Variants in TCF24 observed in about 807,000 individuals in gnomAD.
TCF24 encodes transcription factor 24.
TCF24 carries 5 observed loss-of-function variants against 9.3 expected under a neutral mutation model. The observed-to-expected ratio is 0.54, with a 90% CI of 0.28 to 1.13. The LOEUF is 1.13. TCF24 is among the 50% of genes most tolerant of loss of function. The probability of loss-of-function intolerance (pLI) is 0.09; values close to 1 mark genes in which losing one functional copy is unlikely to be tolerated. For missense variants in TCF24, 220 were observed against 236.1 expected (o/e 0.93, Z 0.45); for synonymous variants, 110 against 115.8 (o/e 0.95, Z 0.32).
intron 3 of TCF24, among the ~76,000 whole-genome samples, chr8:66,950,162 T>G (rs1402155718): frequency 6.7e-6 from 1 of 148,382 alleles, no homozygotes; most frequent in Non-Finnish European, 1.5e-5. Context: ...TTTGGTGTTT[T>G]AGACATGAAG....
chr8:66,952,550 G>C (rs1371104840), intron 3 of TCF24, among the ~76,000 whole-genome samples: 3 of 151,466 alleles, frequency 2.0e-5, no homozygotes, highest in Non-Finnish European at 4.4e-5. Context: ...GTGGTGTGGT[G>C]CTGAAAAAAA....
intron 3 of TCF24, among the ~76,000 whole-genome samples, chr8:66,951,360 T>C (rs1382262584): frequency 2.1e-5 from 3 of 145,440 alleles, no homozygotes; most frequent in Non-Finnish European, 3.0e-5. Context: ...CATGTGGTTT[T>C]TGTCTTTGGC....
intron 3 of TCF24, among the ~76,000 whole-genome samples, chr8:66,952,309 G>T (rs2130898383): frequency 7.4e-6 from 1 of 135,902 alleles, no homozygotes. Flanking sequence ...TGTTCTCGTT[G>T]GTTTCAAAGA....
chr8:66,955,548 A>C (rs943581358), intron 3 of TCF24, among the ~76,000 whole-genome samples: 1 of 152,214 alleles, frequency 6.6e-6, no homozygotes, highest in Non-Finnish European at 1.5e-5. Flanking sequence ...CCTGGTAGAT[A>C]ATCCACAGTG....
intron 3 of TCF24, among the ~76,000 whole-genome samples, chr8:66,953,571 G>C (rs1200406262): frequency 6.7e-6 from 1 of 150,272 alleles, no homozygotes; most frequent in African/African-American, 2.4e-5. Flanking sequence ...ACAATTATGT[G>C]TCTTGGAGTT....
intron 3 of TCF24, among the ~76,000 whole-genome samples, chr8:66,952,535 T>C (rs1814076127): frequency 6.6e-6 from 1 of 151,112 alleles, no homozygotes; most frequent in African/African-American, 2.4e-5. Flanking sequence ...AATTTTGGAA[T>C]AGGTGTGGTG....
chr8:66,955,406 A>G (rs1321932852), intron 3 of TCF24, among the ~76,000 whole-genome samples: 1 of 151,986 alleles, frequency 6.6e-6, no homozygotes, highest in African/African-American at 2.4e-5. Context: ...TACAACTCCT[A>G]AAGGTCAGCA....
intron 3 of TCF24, among the ~76,000 whole-genome samples, chr8:66,954,657 GCAAGCCT>G (rs1469124406): frequency 6.6e-6 from 1 of 152,132 alleles, no homozygotes; most frequent in Non-Finnish European, 1.5e-5. Flanking sequence ...GTTTACCTAA[GCAAGCCT>G]GGGCAATGGC....
chr8:66,953,527 C>T (rs1248673403), intron 3 of TCF24, among the ~76,000 whole-genome samples: 2 of 150,878 alleles, frequency 1.3e-5, no homozygotes, highest in Non-Finnish European at 3.0e-5. Context: ...CTGCCCTTAA[C>T]ATTTTTTCCT....
intron 3 of TCF24, among the ~76,000 whole-genome samples, chr8:66,957,812 A>G (rs1030028951): frequency 6.6e-6 from 1 of 151,822 alleles, no homozygotes; most frequent in Non-Finnish European, 1.5e-5. Context: ...TACACTTGAA[A>G]GCAAATAAAA....
At chr8:66,948,654 A>ACTAACTAT (rs753354852) in intron 3 of TCF24, among the ~76,000 whole-genome samples, 18 of 146,648 alleles carry the variant, frequency 1.2e-4, no homozygotes, top group African/African-American at 3.8e-4. Flanking sequence ...AAAAGTGTCA[A>ACTAACTAT]CTATCTATCT....
At position 66,961,679 on chromosome 8, in the gene TCF24, G is replaced by A. The variant is rs879656459; in HGVS notation, c.87C>T (p.Pro29=). 1.8e-6 allele frequency: 2 copies of A among 1,108,664 alleles called. No individual in the cohort carries two copies. Among genetic ancestry groups the A allele is most frequent in the East Asian group, 5.2e-5 (1 of 19,236 alleles). The allele number at this position is 1,108,664 out of a possible 1,614,324, so 68.7% of individuals were successfully genotyped here. A position where few individuals can be genotyped will look rare whatever the true frequency, so the allele number is the denominator to read the frequency against. ...PLAAAIRDSR[P]GRTGPGPAGP... ...CCGCCGGCCCCGGCCCGGTCCGCCC[G>A]GGACGCGAGTCGCGGATGGCGGCGG... is the stretch of plus-strand genomic sequence containing the variant. Residue 29 remains proline, a synonymous_variant, in exon 3 of 4, where the codon CCC becomes CCT. Transcript: ENST00000563496.
chr8:66,949,123 C>CT (rs1307685582), intron 3 of TCF24, among the ~76,000 whole-genome samples: 6 of 148,684 alleles, frequency 4.0e-5, no homozygotes, highest in Non-Finnish European at 5.9e-5. Flanking sequence ...TTTTATTATA[C>CT]TTTAAGTTTT....
At chr8:66,954,454 C>G (rs1814115700) in intron 3 of TCF24, among the ~76,000 whole-genome samples, 1 of 152,262 alleles carries the variant, frequency 6.6e-6, no homozygotes. Flanking sequence ...TGCCCGTTCT[C>G]AGATCTCCAG....
At position 66,948,134 on chromosome 8, in the gene TCF24, C is replaced by T. The variant is rs112859779; in HGVS notation, c.421G>A (p.Gly141Ser). The T allele has an allele frequency of 0.011, 17,193 of 1,533,162 alleles. 376 individuals are homozygous for T. Among genetic ancestry groups the T allele is most frequent in the South Asian group, 0.041 (3,383 of 83,242 alleles). The allele number at this position is 1,533,162 out of a possible 1,614,324, so 95.0% of individuals were successfully genotyped here. The change falls in exon 4 of 4, where the codon GGT becomes AGT. Residue 141 changes from glycine (G) to serine (S), a missense_variant. Physicochemically the swap from Gly to Ser is moderately conservative, Grantham distance 56. Transcript: ENST00000563496. ...TGCTTCAGAAACTGACCAGTAGCAC[C>T]GATGTACAATCTTGATCGCATGGGC... ...KWPMRSRLYI[G>S]ATGQFLKHSV...
Position 66,961,536 on chromosome 8 carries a change from GGCAGCGT to G in TCF24, c.223_229del (p.Thr75ArgfsTer71), listed in dbSNP as rs1387676366. 101 of 1,510,112 alleles carry G rather than the reference GGCAGCGT, an allele frequency of 6.7e-5. No individual in the cohort carries two copies. Among genetic ancestry groups the G allele is most frequent in the Non-Finnish European group, 8.9e-5 (101 of 1,136,588 alleles). 93.5% of individuals were successfully genotyped at this position (1,510,112 alleles called of 1,614,324 possible). A position where few individuals can be genotyped will look rare whatever the true frequency, so the allele number is the denominator to read the frequency against. On this transcript the variant is annotated frameshift_variant, in exon 3 of 4. Coordinates refer to ENST00000563496, the MANE Select transcript of TCF24 (RefSeq NM_001193502.2). LOFTEE classifies it high-confidence loss of function. ...CAGCTTGGTGTCGGGCGGCACGGAC[GGCAGCGT>G]GCGCTGCAGCTCCAGGAAAGCGTGC... is the stretch of plus-strand genomic sequence containing the variant.
Position 66,961,606 on chromosome 8 carries a change from T to TCGC in TCF24, c.157_159dup (p.Ala53dup), listed in dbSNP as rs1159215093. On this transcript the variant is annotated inframe_insertion, in exon 3 of 4. Coordinates refer to ENST00000563496, the MANE Select transcript of TCF24 (RefSeq NM_001193502.2). ...ACCCGGCTGCGCTCCCGCGCCGCAT[T>TCGC]CGCCGCCGCCGGCCGCCCGCTCCCG... 1.5e-6 allele frequency: 2 copies of TCGC among 1,301,490 alleles called. No homozygotes were observed. The highest frequency in any genetic ancestry group is 9.7e-7 in the Non-Finnish European group (1 of 1,027,014). 80.6% of individuals were successfully genotyped at this position (1,301,490 alleles called of 1,614,324 possible).
In TCF24 at chr8:66,961,431, G is replaced by C. The variant is rs951813621; in HGVS notation, c.335C>G (p.Pro112Arg). Reference protein sequence around the residue: ...TRSLQDDAEAPADAGLGALRG... With the variant: ...TRSLQDDAEARADAGLGALRG... ...CAGGGCGCCCAACCCGGCGTCCGCC[G>C]GCGCCTCGGCGTCGTCCTGCAGGCT... Residue 112 changes from proline (P) to arginine (R), a missense_variant, in exon 3 of 4, where the codon CCG becomes CGG. Pro to Arg is a moderately radical substitution (Grantham distance 103). Coordinates refer to ENST00000563496, the MANE Select transcript of TCF24 (RefSeq NM_001193502.2). 7 of 1,520,068 alleles carry C rather than the reference G, an allele frequency of 4.6e-6. No homozygotes were observed. The highest frequency in any genetic ancestry group is 6.1e-6 in the Non-Finnish European group (7 of 1,140,204). 94.2% of individuals were successfully genotyped at this position (1,520,068 alleles called of 1,614,324 possible).
intron 3 of TCF24, among the ~76,000 whole-genome samples, chr8:66,956,086 C>T (rs570388351): frequency 1.2e-4 from 19 of 152,084 alleles, no homozygotes; most frequent in Middle Eastern, 3.4e-3. Flanking sequence ...CGTGCTACCA[C>T]GCTGGGCTAA....
Sources: allele counts gnomAD v4.1 joint callset (sites outside exome capture counted in the v4.1 genomes callset), GRCh38; gene constraint gnomAD v4.1.1; transcripts MANE v1.5; gene names NCBI Gene and HGNC (gene_info 2026-07-23, HGNC 2026-07-21).